Variants in CRISPLD2 observed in about 807,000 individuals in gnomAD.
The protein encoded by CRISPLD2 is cysteine-rich secretory protein LCCL domain-containing 2.
CRISPLD2 carries 47 observed loss-of-function variants against 71.1 expected under a neutral mutation model. The ratio of observed to expected loss-of-function variants is 0.66; its 90% CI spans 0.52 to 0.84. The LOEUF is 0.84. Among genes scored for constraint, CRISPLD2 ranks in the 40% least tolerant of loss-of-function variants. The pLI, the probability that CRISPLD2 is intolerant of heterozygous loss-of-function variation, is 0.00. For synonymous variants in CRISPLD2, 317 were observed against 250.1 expected (o/e 1.27, Z -2.52); for missense variants, 830 against 651.1 (o/e 1.27, Z -2.99).
chr16:84,876,776 G>T (rs1056738058), intron 11 of CRISPLD2, among the ~76,000 whole-genome samples: 7 of 152,184 alleles, frequency 4.6e-5, no homozygotes. Flanking sequence ...TGGGCAAAAA[G>T]AGCAAAACTC....
chr16:84,857,287 C>A (rs1372441522), intron 6 of CRISPLD2, among the ~76,000 whole-genome samples: 1 of 152,196 alleles, frequency 6.6e-6, no homozygotes, highest in Non-Finnish European at 1.5e-5. Context: ...TGAGTGGTGT[C>A]CACAGAATGA....
chr16:84,839,265 A>C, intron 2 of CRISPLD2: 1 of 285,016 alleles, frequency 3.5e-6, no homozygotes, highest in Non-Finnish European at 6.9e-6. Flanking sequence ...CCTTCATGTC[A>C]CTCTTGGTAG....
intron 12 of CRISPLD2, among the ~76,000 whole-genome samples, chr16:84,880,158 C>T (rs926775621): frequency 1.3e-5 from 2 of 152,182 alleles, no homozygotes; most frequent in African/African-American, 4.8e-5. Context: ...CCATAATGTA[C>T]CCACAGTGTG....
At chr16:84,879,574 C>T (rs761918411) in intron 12 of CRISPLD2, among the ~76,000 whole-genome samples, 3 of 152,116 alleles carry the variant, frequency 2.0e-5, no homozygotes, top group Non-Finnish European at 2.9e-5. Context: ...GTTGGCCAGG[C>T]TGGTCTCGAA....
At chr16:84,842,954 T>A (rs953237364) in intron 2 of CRISPLD2, among the ~76,000 whole-genome samples, 2 of 152,096 alleles carry the variant, frequency 1.3e-5, no homozygotes, top group Non-Finnish European at 2.9e-5. Flanking sequence ...GCAGGCTGGG[T>A]TCATGCTGGT....
intron 14 of CRISPLD2, among the ~76,000 whole-genome samples, chr16:84,890,369 AG>A (rs1480495818): frequency 6.6e-6 from 1 of 151,860 alleles, no homozygotes; most frequent in Admixed American, 6.6e-5. Flanking sequence ...AAAAAAAAAA[AG>A]AAGTGGCAGT....
In CRISPLD2 at chr16:84,873,737, A is replaced by AAAAAAAG. The variant is rs2071494795; in HGVS notation, c.1113-182_1113-176dup. Among the ~76,000 whole-genome samples the AAAAAAAG allele has an allele frequency of 4.6e-5, 7 of 152,184 alleles. No individual in the cohort carries two copies. The South Asian group carries it at 1.4e-3, about 32-fold the overall frequency. ...AGGCTACCAGAAGAGTCCTTGGTAC[A>AAAAAAAG]AAAAAAGTTAAGATGCCCTGGTCTA... On this transcript the variant is annotated intron_variant, in intron 10 of 14. Coordinates refer to ENST00000262424, the MANE Select transcript of CRISPLD2 (RefSeq NM_031476.4).
intron 4 of CRISPLD2, among the ~76,000 whole-genome samples, chr16:84,850,023 A>C (rs747312443): frequency 6.6e-6 from 1 of 150,918 alleles, no homozygotes; most frequent in Non-Finnish European, 1.5e-5. Flanking sequence ...ACTGCACTCA[A>C]CCGAGAAAAC....
intron 1 of CRISPLD2, among the ~76,000 whole-genome samples, chr16:84,835,836 C>G (rs186321810): frequency 6.6e-6 from 1 of 152,330 alleles, no homozygotes; most frequent in African/African-American, 2.4e-5. Context: ...TGGGATAGCT[C>G]ACGCTGGCTC....
rs372522087 is a variant in CRISPLD2, at chr16:84,872,484, C to A, written c.957C>A (p.Ile319=). ...GCTGCCTGAACCACAAGGCGAAGAT[C>A]TTTGGAACTCTGTTCTATGAAAGCG... ...PAGCLNHKAK[I]FGTLFYESSS... Residue 319 remains isoleucine, a synonymous_variant, in exon 9 of 15, where the codon ATC becomes ATA. Coordinates refer to ENST00000262424, the MANE Select transcript of CRISPLD2 (RefSeq NM_031476.4). 1 of 1,613,986 alleles carries A rather than the reference C, an allele frequency of 6.2e-7. No individual in the cohort carries two copies. Among genetic ancestry groups the A allele is most frequent in the Non-Finnish European group, 8.5e-7 (1 of 1,179,930 alleles).
chr16:84,867,922 C>T (rs774193), intron 7 of CRISPLD2, among the ~76,000 whole-genome samples: 2 of 152,214 alleles, frequency 1.3e-5, no homozygotes, highest in East Asian at 1.9e-4. Flanking sequence ...CTCCCCCCAG[C>T]CACTGCTGCG....
intron 14 of CRISPLD2, among the ~76,000 whole-genome samples, chr16:84,901,180 C>T (rs929152666): frequency 2.0e-5 from 3 of 151,854 alleles, no homozygotes; most frequent in Non-Finnish European, 4.4e-5. Context: ...CAACAAATCC[C>T]GAGATATATT....
At chr16:84,876,813 A>G (rs1467466437) in intron 11 of CRISPLD2, among the ~76,000 whole-genome samples, 1 of 152,248 alleles carries the variant, frequency 6.6e-6, no homozygotes, top group Non-Finnish European at 1.5e-5. Context: ...AGAAAAAGAA[A>G]AAGTTTACTT....
chr16:84,889,855 C>G (rs1044434011), intron 14 of CRISPLD2, among the ~76,000 whole-genome samples: 1 of 150,398 alleles, frequency 6.6e-6, no homozygotes, highest in African/African-American at 2.4e-5. Flanking sequence ...AAAGCTACAT[C>G]GTAATATAGT....
chr16:84,873,911 TTTA>T lies in CRISPLD2; in HGVS notation c.1113-8_1113-6del, dbSNP rs2071496984. ...AATGCCCGTTTTTTTTTTTTTTTTT[TTTA>T]AACAGCAAATACAAACCTTCCAGCT... is the stretch of plus-strand genomic sequence containing the variant. On this transcript the variant is annotated splice_region_variant and splice_polypyrimidine_tract_variant and intron_variant, in intron 10 of 14. Transcript: ENST00000262424. The T allele has an allele frequency of 3.8e-6, 6 of 1,574,146 alleles. No individual in the cohort carries two copies. The highest frequency in any genetic ancestry group is 4.3e-6 in the Non-Finnish European group (5 of 1,166,808).
At chr16:84,835,839 G>A (rs1044300780) in intron 1 of CRISPLD2, among the ~76,000 whole-genome samples, 12 of 152,128 alleles carry the variant, frequency 7.9e-5, no homozygotes, top group East Asian at 1.9e-4. Flanking sequence ...GATAGCTCAC[G>A]CTGGCTCAGG....
intron 14 of CRISPLD2, among the ~76,000 whole-genome samples, chr16:84,904,376 G>A (rs2143395206): frequency 6.6e-6 from 1 of 152,194 alleles, no homozygotes; most frequent in South Asian, 2.1e-4. Context: ...ACGAAGTCAG[G>A]AGTTCCAGAG....
intron 4 of CRISPLD2, 145 bp downstream of exon 4, chr16:84,849,662 C>A (rs1481948713): frequency 2.5e-6 from 2 of 812,374 alleles, no homozygotes; most frequent in East Asian, 2.7e-5. Flanking sequence ...CAGAGTACAG[C>A]TGGGAGAAGA....
chr16:84,828,156 C>G (rs1229589120), intron 1 of CRISPLD2: 1 of 152,246 alleles, frequency 6.6e-6, no homozygotes, highest in African/African-American at 2.4e-5. Flanking sequence ...GCGGATGCCA[C>G]CTGTCAGTGA....
Sources: allele counts gnomAD v4.1 joint callset (sites outside exome capture counted in the v4.1 genomes callset), GRCh38; gene constraint gnomAD v4.1.1; transcripts MANE v1.5; gene names NCBI Gene and HGNC (gene_info 2026-07-23, HGNC 2026-07-21).